The following MGAM2 variants were observed in gnomAD, a reference collection of about 807,000 sequenced individuals.
MGAM2 encodes maltase-glucoamylase 2 (putative).
A neutral mutation model predicts 96.1 loss-of-function variants in MGAM2; 98 were observed. That is an observed-to-expected ratio of 1.02 (90% confidence interval 0.87 to 1.21). The LOEUF (loss-of-function observed/expected upper bound fraction) is 1.21. Among genes scored for constraint, MGAM2 ranks in the 50% most tolerant of loss-of-function variants. The pLI is 0.00. For synonymous variants in MGAM2, 749 were observed against 414.8 expected (o/e 1.81, Z -9.79); for missense variants, 2,055 against 1,182.4 (o/e 1.74, Z -10.82).
chr7:142,161,923 C>A, intron 22 of MGAM2, 32 bp from the exon 23 acceptor site: 1 of 669,514 alleles, frequency 1.5e-6, no homozygotes, highest in South Asian at 1.6e-5. Flanking sequence ...ATTGGCTTCC[C>A]ATAGTAACCG....
chr7:142,221,122 C>T lies in MGAM2; in HGVS notation c.6611C>T (p.Ser2204Phe), dbSNP rs1260466358. The change falls in exon 48 of 48, where the codon TCT (serine) becomes TTT (phenylalanine). Residue 2204 changes from serine to phenylalanine, a missense_variant. Physicochemically the swap from Ser to Phe is radical, Grantham distance 155. Coordinates refer to ENST00000477922, the MANE Select transcript of MGAM2 (RefSeq NM_001293626.2). ...TSNSFSIMTT[S>F]FSESTNAMNT... ...AACAGTTTTTCCATTATGACCACTT[C>T]TTTCTCTGAAAGTACTAATGCTATG... is the stretch of plus-strand genomic sequence containing the variant. 1.4e-6 allele frequency: 1 copy of T among 702,498 alleles called. No individual in the cohort carries two copies. Among genetic ancestry groups the T allele is most frequent in the South Asian group, 1.5e-5 (1 of 67,588 alleles). 43.5% of individuals were successfully genotyped at this position (702,498 alleles called of 1,614,324 possible). A position where few individuals can be genotyped will look rare whatever the true frequency, so the allele number is the denominator to read the frequency against.
intron 22 of MGAM2, among the ~76,000 whole-genome samples, 153 bp downstream of exon 22, chr7:142,161,366 C>T (rs528231767): frequency 1.3e-5 from 2 of 152,162 alleles, no homozygotes; most frequent in Non-Finnish European, 2.9e-5. Context: ...TCTGAAAATT[C>T]CATTAGCCAG....
intron 14 of MGAM2, among the ~76,000 whole-genome samples, chr7:142,145,774 T>A (rs1563259018): frequency 6.6e-6 from 1 of 152,110 alleles, no homozygotes; most frequent in Non-Finnish European, 1.5e-5. Context: ...GTGGAGAAGA[T>A]TTTATGCGCA....
chr7:142,216,453 G>A (rs928812268), intron 46 of MGAM2, among the ~76,000 whole-genome samples: 3 of 152,130 alleles, frequency 2.0e-5, no homozygotes, highest in African/African-American at 7.2e-5. Flanking sequence ...ATGTTTGATA[G>A]ATTATTTCCT....
chr7:142,154,975 C>CTTTAA (rs1795696286), intron 17 of MGAM2, 130 bp downstream of exon 17: 2 of 619,168 alleles, frequency 3.2e-6, no homozygotes, highest in African/African-American at 3.7e-5. Context: ...AGTCTTGTAT[C>CTTTAA]ATAGCCTTAA....
rs1390419110 is a variant in MGAM2 at position 142,222,305 on chromosome 7, A to G, written c.*246A>G. ...TGGGTACTTATTTTGCAACCATAGT[A>G]TGTGCTCTTATTCTTTTAAATTATA... On this transcript the variant is annotated 3_prime_UTR_variant, in exon 48 of 48. Transcript: ENST00000477922. 5.8e-6 allele frequency: 2 copies of G among 342,552 alleles called. No homozygotes were observed. Among genetic ancestry groups the G allele is most frequent in the African/African-American group, 4.2e-5 (2 of 47,520 alleles). 21.2% of individuals were successfully genotyped at this position (342,552 alleles called of 1,614,324 possible).
chr7:142,116,753 G>A, intron 1 of MGAM2, 121 bp from the exon 2 acceptor site: 1 of 656,124 alleles, frequency 1.5e-6, no homozygotes, highest in Non-Finnish European at 2.8e-6. Flanking sequence ...TATGTAAAGA[G>A]GATGCTGATA....
At chr7:142,208,429 ACT>A in intron 45 of MGAM2, 142 bp from the exon 46 acceptor site, 4 of 656,480 alleles carry the variant, frequency 6.1e-6, no homozygotes, top group South Asian at 1.7e-5. Context: ...TCTCTTAGCC[ACT>A]CTCTTCAGTG....
In MGAM2 at chr7:142,144,875, A is replaced by G; in HGVS notation, c.1446A>G (p.Val482=). The G allele has an allele frequency of 1.4e-6, 1 of 702,620 alleles. No individual in the cohort carries two copies. 43.5% of individuals were successfully genotyped at this position (702,620 alleles called of 1,614,324 possible). Residue 482 remains valine (V), a synonymous_variant, in exon 14 of 48, where the codon GTA becomes GTG. Coordinates refer to ENST00000477922, the MANE Select transcript of MGAM2 (RefSeq NM_001293626.2). The stretch of plus-strand genomic sequence containing the variant: ...TGTCTTTGAAGGAAATGAATGAAGT[A>G]TCTAGCTTACTCCAAGCTTCTAATA... ...FDGVWIEMNE[V]SSLLQASNNQ...
intron 37 of MGAM2, among the ~76,000 whole-genome samples, chr7:142,195,513 AC>A (rs1797006169): frequency 1.8e-5 from 2 of 113,052 alleles, no homozygotes; most frequent in Non-Finnish European, 3.7e-5. Context: ...TGCACACCAC[AC>A]CCGGCTAATT....
chr7:142,141,048 T>C lies in MGAM2; in HGVS notation c.1246T>C (p.Tyr416His), dbSNP rs1433540855. Residue 416 changes from tyrosine to histidine, a missense_variant, in exon 12 of 48, where the codon TAC (tyrosine) becomes CAC (histidine). Tyr to His is a moderately conservative substitution (Grantham distance 83, BLOSUM62 2). Transcript: ENST00000477922. Reference protein sequence around the residue: ...MNPGISKNSNYEPYNNGSLKR... With the variant: ...MNPGISKNSNHEPYNNGSLKR... The stretch of plus-strand genomic sequence containing the variant: ...TCCTGGCATCTCCAAAAACTCTAAC[T>C]ACGAGCCCTATAATAATGGAAGCCT... 2 of 701,598 alleles carry C rather than the reference T, an allele frequency of 2.9e-6. No homozygotes were observed. Among genetic ancestry groups the C allele is most frequent in the East Asian group, 5.4e-5 (2 of 37,224 alleles). 43.5% of individuals were successfully genotyped at this position (701,598 alleles called of 1,614,324 possible). A position where few individuals can be genotyped will look rare whatever the true frequency, so the allele number is the denominator to read the frequency against.
intron 20 of MGAM2, 22 bp from the exon 21 acceptor site, chr7:142,160,112 T>G (rs1045158640): frequency 1.4e-6 from 1 of 697,886 alleles, no homozygotes; most frequent in African/African-American, 1.8e-5. Context: ...CTGATCTATC[T>G]TTTGTTGTTG....
At chr7:142,190,729 A>G (rs1024933577) in intron 37 of MGAM2, among the ~76,000 whole-genome samples, 3 of 152,198 alleles carry the variant, frequency 2.0e-5, no homozygotes, top group Non-Finnish European at 4.4e-5. Context: ...ACTTTATTTC[A>G]CTAATACTAA....
intron 32 of MGAM2, among the ~76,000 whole-genome samples, chr7:142,178,313 C>T (rs143026604): frequency 4.5e-4 from 69 of 152,192 alleles, no homozygotes; most frequent in Non-Finnish European, 8.5e-4. Context: ...TAGGTTGTCT[C>T]ATTACTCTGT....
At position 142,220,626 on chromosome 7, in the gene MGAM2, C is replaced by T. The variant is rs539915085; in HGVS notation, c.6115C>T (p.Pro2039Ser). ...TGGTGTTACAACTGGTACTACTGTT[C>T]CTGATACAACTGCTCCTTTCCCTAC... ...TIGVTTGTTV[P>S]DTTAPFPTST... The change falls in exon 48 of 48, where the codon CCT (proline) becomes TCT (serine). Residue 2039 changes from proline (P) to serine (S), a missense_variant. Pro to Ser is a moderately conservative substitution (Grantham distance 74). Transcript: ENST00000477922. 20 of 702,354 alleles carry T rather than the reference C, an allele frequency of 2.8e-5. No homozygotes were observed. In the East Asian group the frequency reaches 3.2e-4, roughly 11 times the overall value. The allele number at this position is 702,354 out of a possible 1,614,324, so 43.5% of individuals were successfully genotyped here.
At chr7:142,139,659 C>CAAA (rs765007343) in intron 10 of MGAM2, among the ~76,000 whole-genome samples, 9 of 54,494 alleles carry the variant, frequency 1.7e-4, no homozygotes, top group Non-Finnish European at 2.3e-4. Flanking sequence ...GGCTCTATCT[C>CAAA]AAAAAAAAAA....
rs987088867 is a variant in MGAM2, at chr7:142,140,802, G to T, written c.1087G>T (p.Asp363Tyr). ...SRNRLAEIPY[D>Y]VQYSDIDYMD... Reference sequence around the variant, plus strand: ...CTGATTGACCAGAGCTCTCTTTCAGGATGTCCAGTACTCTGACATAGACTA... The same window carrying T: ...CTGATTGACCAGAGCTCTCTTTCAGTATGTCCAGTACTCTGACATAGACTA... Residue 363 changes from aspartate to tyrosine, a missense_variant and splice_region_variant, in exon 11 of 48, where the codon GAT becomes TAT. By Grantham distance (160) the Asp-to-Tyr change is radical (BLOSUM62 -3). Coordinates refer to ENST00000477922, the MANE Select transcript of MGAM2 (RefSeq NM_001293626.2). 3 of 701,678 alleles carry T rather than the reference G, an allele frequency of 4.3e-6. No homozygotes were observed. In the African/African-American group the frequency reaches 5.2e-5, roughly 12 times the overall value. 43.5% of individuals were successfully genotyped at this position (701,678 alleles called of 1,614,324 possible).
intron 32 of MGAM2, among the ~76,000 whole-genome samples, chr7:142,176,120 C>A (rs865786023): frequency 7.2e-6 from 1 of 138,796 alleles, no homozygotes; most frequent in African/African-American, 2.6e-5. Flanking sequence ...GGGGGGGCAT[C>A]TCACTGTTTC....
intron 15 of MGAM2, among the ~76,000 whole-genome samples, chr7:142,152,238 A>G (rs962815477): frequency 1.3e-5 from 2 of 151,538 alleles, no homozygotes; most frequent in African/African-American, 4.8e-5. Context: ...CCTCTAAATA[A>G]ACTGGAACCA....
Sources: allele counts gnomAD v4.1 joint callset (sites outside exome capture counted in the v4.1 genomes callset), GRCh38; gene constraint gnomAD v4.1.1; transcripts MANE v1.5; gene names NCBI Gene and HGNC (gene_info 2026-07-23, HGNC 2026-07-21).